The following ITPR1 variants were observed in gnomAD, a reference collection of about 807,000 sequenced individuals.
ITPR1 encodes the protein inositol 1,4,5-trisphosphate receptor type 1.
In ITPR1, 96 loss-of-function variants were observed where a neutral mutation model predicts 318.4. That is an observed-to-expected ratio of 0.30 (90% confidence interval 0.26 to 0.36). The LOEUF is 0.36. ITPR1 is among the 10% of genes least tolerant of loss of function. ITPR1 has a pLI of 1.00. For missense variants in ITPR1, 2,440 were observed against 3,460.2 expected (o/e 0.71, Z 7.40); for synonymous variants, 1,312 against 1,289.9 (o/e 1.02, Z -0.37).
At chr3:4,659,295 G>T (rs1559632126) in intron 13 of ITPR1, among the ~76,000 whole-genome samples, 1 of 152,126 alleles carries the variant, frequency 6.6e-6, no homozygotes, top group Non-Finnish European at 1.5e-5. Flanking sequence ...TTATAGATGG[G>T]ATCATAAGCT....
Position 4,665,569 on chromosome 3 carries a change from G to A in ITPR1, c.1713+273G>A, listed in dbSNP as rs59359486. Among the ~76,000 whole-genome samples, 7,837 of 152,134 alleles carry A rather than the reference G, an allele frequency of 0.052. 289 individuals carry two copies. The highest frequency in any genetic ancestry group is 0.11 in the East Asian group (591 of 5,172). Reference sequence around the variant, plus strand: ...TTACATTTATAGAATTTTTTATGACGTATTCCCTTAGGGCTTAGGGGTGAA... The same window carrying A: ...TTACATTTATAGAATTTTTTATGACATATTCCCTTAGGGCTTAGGGGTGAA... On this transcript the variant is annotated intron_variant, in intron 17 of 61. Transcript: ENST00000649015.
At chr3:4,775,008 C>T (rs970202107) in intron 46 of ITPR1, among the ~76,000 whole-genome samples, 1 of 152,188 alleles carries the variant, frequency 6.6e-6, no homozygotes, top group Non-Finnish European at 1.5e-5. Flanking sequence ...CACTGCATTC[C>T]ATATACTTAC....
intron 33 of ITPR1, 39 bp downstream of exon 33, chr3:4,693,780 A>G (rs373376037): frequency 2.4e-5 from 38 of 1,584,742 alleles, no homozygotes; most frequent in Non-Finnish European, 2.9e-5. Context: ...TCTCGTTGCT[A>G]TGTGGTGTGT....
At chr3:4,594,317 A>T (rs763043221) in intron 4 of ITPR1, among the ~76,000 whole-genome samples, 1 of 152,084 alleles carries the variant, frequency 6.6e-6, no homozygotes, top group Non-Finnish European at 1.5e-5. Flanking sequence ...TCCCATCGTG[A>T]TGGGCTTTTC....
Position 4,800,446 on chromosome 3 carries a change from C to T in ITPR1, c.6953C>T (p.Ser2318Leu), listed in dbSNP as rs373459293. The T allele has an allele frequency of 6.2e-6, 10 of 1,613,858 alleles. No individual in the cohort carries two copies. Among genetic ancestry groups the T allele is most frequent in the South Asian group, 1.1e-5 (1 of 91,016 alleles). ...GCAGGAACCCTGGAGCCCCACTGGT[C>T]GGGACTCCTGTGGACAGCCATGCTC... ...VRGGTLEPHW[S>L]GLLWTAMLIS... The change falls in exon 54 of 62, where the codon TCG becomes TTG. Residue 2318 changes from serine to leucine, a missense_variant. By Grantham distance (145) the Ser-to-Leu change is moderately radical. Around this residue, in one of 23 missense-constraint regions of ITPR1, gnomAD observed 126 missense variants for 150.8 expected, o/e 0.84. Transcript: ENST00000649015.
At chr3:4,516,629 C>A in intron 3 of ITPR1, 46 bp downstream of exon 3, 1 of 1,137,932 alleles carries the variant, frequency 8.8e-7, no homozygotes, top group Non-Finnish European at 1.3e-6. Flanking sequence ...TTTAAGACAT[C>A]ATAACATCAG....
intron 54 of ITPR1, among the ~76,000 whole-genome samples, chr3:4,804,470 A>G (rs956182270): frequency 4.6e-5 from 7 of 152,184 alleles, no homozygotes; most frequent in African/African-American, 1.7e-4. Context: ...ATCTAAGACT[A>G]ACAAGCAGAG....
intron 11 of ITPR1, among the ~76,000 whole-genome samples, chr3:4,652,501 T>G (rs1292034300): frequency 2.6e-5 from 4 of 152,124 alleles, no homozygotes; most frequent in African/African-American, 9.7e-5. Flanking sequence ...CATTTCGCTT[T>G]TATATACGAC....
In ITPR1 at chr3:4,607,935, C is replaced by T. The variant is rs77074920; in HGVS notation, c.164-19828C>T. ...GGCTGCCAATTGATTATGTCTACAC[C>T]TTAGCAGAATTCAGGCTCGTCCATC... On this transcript the variant is annotated intron_variant, in intron 4 of 61. Coordinates refer to ENST00000649015, the MANE Select transcript of ITPR1 (RefSeq NM_001378452.1). 7.9e-3 allele frequency among the ~76,000 whole-genome samples: 1,197 copies of T among 152,258 alleles called. 45 individuals are homozygous for T. The East Asian group carries it at 0.094, about 12-fold the overall frequency.
intron 5 of ITPR1, among the ~76,000 whole-genome samples, chr3:4,629,653 A>G (rs2125132059): frequency 6.6e-6 from 1 of 152,358 alleles, no homozygotes; most frequent in South Asian, 2.1e-4. Context: ...TAGAAGTATA[A>G]CAGTCTTAAC....
intron 4 of ITPR1, among the ~76,000 whole-genome samples, chr3:4,611,389 G>A (rs1440035034): frequency 5.3e-5 from 8 of 151,542 alleles, no homozygotes; most frequent in Admixed American, 2.6e-4. Flanking sequence ...GTGAAACCCC[G>A]TCTTTACTAA....
chr3:4,586,673 T>C (rs957291832), intron 4 of ITPR1, among the ~76,000 whole-genome samples: 6 of 152,010 alleles, frequency 3.9e-5, no homozygotes, highest in Middle Eastern at 3.4e-3. Context: ...CATGCCCAGC[T>C]AATTTTTTAA....
chr3:4,794,931 A>AT, intron 52 of ITPR1, 134 bp from the exon 53 acceptor site: 2 of 981,612 alleles, frequency 2.0e-6, no homozygotes, highest in South Asian at 2.1e-5. Context: ...ACAAATGATC[A>AT]TTTTTACTCT....
intron 46 of ITPR1, among the ~76,000 whole-genome samples, chr3:4,770,155 C>G (rs1459440425): frequency 6.6e-6 from 1 of 152,096 alleles, no homozygotes; most frequent in Non-Finnish European, 1.5e-5. Flanking sequence ...CAGATCTGGC[C>G]AGGGAAGGCA....
chr3:4,684,617 A>C lies in ITPR1; in HGVS notation c.3564+271A>C, dbSNP rs151135868. Among the ~76,000 whole-genome samples, 926 of 152,288 alleles carry C rather than the reference A, an allele frequency of 6.1e-3. 10 individuals are homozygous for C. Among genetic ancestry groups the C allele is most frequent in the African/African-American group, 0.021 (864 of 41,544 alleles). ...AGGCACCGCATATTTCTGAAGCTTT[A>C]CAATTGAAGGAAGGACTAATTGAGA... On this transcript the variant is annotated intron_variant, in intron 29 of 61. Coordinates refer to ENST00000649015, the MANE Select transcript of ITPR1 (RefSeq NM_001378452.1).
intron 33 of ITPR1, 63 bp downstream of exon 33, chr3:4,693,804 A>T (rs897115867): frequency 1.3e-6 from 2 of 1,525,374 alleles, no homozygotes; most frequent in Middle Eastern, 3.8e-4. Flanking sequence ...GTCGTGGCTC[A>T]CTGGGAGACA....
At chr3:4,777,136 C>A in intron 47 of ITPR1, 128 bp from the exon 48 acceptor site, 2 of 527,562 alleles carry the variant, frequency 3.8e-6, no homozygotes, top group Non-Finnish European at 3.4e-6. Flanking sequence ...GGAAAATTTG[C>A]AGCTCTCCCC....
chr3:4,683,452 C>G lies in ITPR1; in HGVS notation c.3228C>G (p.His1076Gln). 1 of 1,614,070 alleles carries G rather than the reference C, an allele frequency of 6.2e-7. No individual in the cohort carries two copies. Among genetic ancestry groups the G allele is most frequent in the Non-Finnish European group, 8.5e-7 (1 of 1,179,896 alleles). The change falls in exon 27 of 62, where the codon CAC (histidine) becomes CAG (glutamine). Residue 1076 changes from histidine (H) to glutamine (Q), a missense_variant. His to Gln is a conservative substitution (Grantham distance 24). Around this residue, in one of 23 missense-constraint regions of ITPR1, gnomAD observed 76 missense variants for 132.2 expected, o/e 0.58. Transcript: ENST00000649015. ...GAACCTTTCTCCGTGTCCTGCTCCACTTGACGATGCATGACTACCCACCCC... is the reference window on the plus strand; with the variant it reads ...GAACCTTTCTCCGTGTCCTGCTCCAGTTGACGATGCATGACTACCCACCCC... ...GGRTFLRVLL[H>Q]LTMHDYPPLV... is the part of the protein sequence containing the mutation.
At chr3:4,607,647 G>A (rs577554307) in intron 4 of ITPR1, among the ~76,000 whole-genome samples, 1 of 152,096 alleles carries the variant, frequency 6.6e-6, no homozygotes, top group Non-Finnish European at 1.5e-5. Context: ...GGGGAAAGGT[G>A]GGGGTGGCAG....
Sources: allele counts gnomAD v4.1 joint callset (sites outside exome capture counted in the v4.1 genomes callset), GRCh38; gene constraint gnomAD v4.1.1; regional missense constraint gnomAD v4.1.1; transcripts MANE v1.5; gene names NCBI Gene and HGNC (gene_info 2026-07-23, HGNC 2026-07-21).